GARRE1: variants seen among roughly 807,000 people sequenced by gnomAD.
GARRE1 encodes granule associated Rac and RHOG effector protein 1.
GARRE1 carries 49 observed loss-of-function variants against 103.2 expected under a neutral mutation model. That is an observed-to-expected ratio of 0.47 (90% confidence interval 0.38 to 0.60). The LOEUF is 0.60. Among genes scored for constraint, GARRE1 ranks in the 20% least tolerant of loss-of-function variants. The pLI, the probability that GARRE1 is intolerant of heterozygous loss-of-function variation, is 0.00. For missense variants in GARRE1, 1,199 were observed against 1,370.5 expected (o/e 0.87, Z 1.98); for synonymous variants, 505 against 532.8 (o/e 0.95, Z 0.72).
intron 7 of GARRE1, 130 bp from the exon 8 acceptor site, chr19:34,333,565 CCCTGACTGG>C (rs2074146880): frequency 1.7e-6 from 1 of 603,120 alleles, no homozygotes; most frequent in Non-Finnish European, 2.9e-6. Context: ...CTTCACGGGG[CCCTGACTGG>C]CCTTGGCATA....
intron 2 of GARRE1, among the ~76,000 whole-genome samples, chr19:34,307,810 ATATATTTTTTT>A: frequency 7.3e-6 from 1 of 137,010 alleles, no homozygotes; most frequent in Non-Finnish European, 1.5e-5. Context: ...AAATATATAT[ATATATTTTTTT>A]TTTTTTTTAG....
chr19:34,305,212 T>C (rs1599765310), intron 2 of GARRE1, among the ~76,000 whole-genome samples: 2 of 152,202 alleles, frequency 1.3e-5, no homozygotes, highest in East Asian at 3.9e-4. Flanking sequence ...TCCCCAGAAG[T>C]GACCATTAGT....
At chr19:34,328,260 G>T in intron 6 of GARRE1, 109 bp downstream of exon 6, 1 of 1,284,400 alleles carries the variant, frequency 7.8e-7, no homozygotes, top group Non-Finnish European at 1.1e-6. Context: ...ATGGGGCCGG[G>T]CGTGGTGGCT....
chr19:34,287,890 G>A (rs951295340), intron 1 of GARRE1, among the ~76,000 whole-genome samples: 1 of 152,120 alleles, frequency 6.6e-6, no homozygotes, highest in African/African-American at 2.4e-5. Flanking sequence ...CCATCACAAT[G>A]GGAATTAGAT....
In GARRE1 at chr19:34,299,997, G is replaced by A. The variant is rs2073968242; in HGVS notation, c.-477G>A. On this transcript the variant is annotated 5_prime_UTR_variant, in exon 2 of 14. Coordinates refer to ENST00000299505, the MANE Select transcript of GARRE1 (RefSeq NM_014686.5). ...ATCTTCCTTCTTAAGGACTTTGTGT[G>A]AAGTAATTCTTTACTGCTTTTAAAT... 1 of 152,794 alleles carries A rather than the reference G, an allele frequency of 6.5e-6. No homozygotes were observed. Among genetic ancestry groups the A allele is most frequent in the Non-Finnish European group, 1.5e-5 (1 of 68,496 alleles). The allele number at this position is 152,794 out of a possible 1,614,324, so 9.5% of individuals were successfully genotyped here.
chr19:34,284,822 A>G lies in GARRE1; in HGVS notation c.-795-14857A>G, dbSNP rs557320120. ...TTGAACATATTTTAGCCTGACAGGC[A>G]GATAAATATGAGGGTGGAGAAGCAT... On this transcript the variant is annotated intron_variant, in intron 1 of 13. Transcript: ENST00000299505. Among the ~76,000 whole-genome samples the G allele has an allele frequency of 1.7e-3, 255 of 152,364 alleles. 1 individual carries two copies. The highest frequency in any genetic ancestry group is 3.7e-3 in the South Asian group (18 of 4,828).
intron 1 of GARRE1, among the ~76,000 whole-genome samples, chr19:34,269,229 A>G (rs1378779599): frequency 3.3e-5 from 5 of 152,234 alleles, no homozygotes. Context: ...TGTCAGTACC[A>G]GAGGCGGTCA....
rs1489322614 is a variant in GARRE1, at chr19:34,296,128, G to T, written c.-795-3551G>T. On this transcript the variant is annotated intron_variant, in intron 1 of 13. Transcript: ENST00000299505. Reference sequence around the variant, plus strand: ...TACAACATTTTTTCTTTCAGTATTTGTTTTAGTCATCCTGGATCCCTCGCT... The same window carrying T: ...TACAACATTTTTTCTTTCAGTATTTTTTTTAGTCATCCTGGATCCCTCGCT... 4 of 329,984 alleles carry T rather than the reference G, an allele frequency of 1.2e-5. No homozygotes were observed. In the East Asian group the frequency reaches 1.5e-4, roughly 12 times the overall value. The allele number at this position is 329,984 out of a possible 1,614,324, so 20.4% of individuals were successfully genotyped here. A position where few individuals can be genotyped will look rare whatever the true frequency, so the allele number is the denominator to read the frequency against.
chr19:34,294,121 A>G (rs1005606021), intron 1 of GARRE1, among the ~76,000 whole-genome samples: 1 of 152,026 alleles, frequency 6.6e-6, no homozygotes, highest in South Asian at 2.1e-4. Flanking sequence ...TGTGCCTTAC[A>G]TGTATAGGCT....
At chr19:34,293,908 G>A (rs1206061596) in intron 1 of GARRE1, among the ~76,000 whole-genome samples, 4 of 151,212 alleles carry the variant, frequency 2.6e-5, no homozygotes, top group African/African-American at 4.9e-5. Flanking sequence ...ATAGGCACGC[G>A]TCACTACACC....
At chr19:34,320,726 T>C (rs1409067581) in intron 3 of GARRE1, among the ~76,000 whole-genome samples, 1 of 150,056 alleles carries the variant, frequency 6.7e-6, no homozygotes, top group Non-Finnish European at 1.5e-5. Flanking sequence ...TTTTTCTTTT[T>C]CTTTTTTTTT....
rs776903958 is a variant in GARRE1 at position 34,328,129 on chromosome 19, C to G, written c.1082C>G (p.Ala361Gly). 6.2e-7 allele frequency: 1 copy of G among 1,613,996 alleles called. No individual in the cohort carries two copies. The highest frequency in any genetic ancestry group is 2.2e-5 in the East Asian group (1 of 44,884). Residue 361 changes from alanine (A) to glycine (G), a missense_variant, in exon 6 of 14, where the codon GCC (alanine) becomes GGC (glycine). By Grantham distance (60) the Ala-to-Gly change is moderately conservative. Coordinates refer to ENST00000299505, the MANE Select transcript of GARRE1 (RefSeq NM_014686.5). ...LKGVSFNESA[A>G]DNLKLKTHTM... Reference sequence around the variant, plus strand: ...GGCGTCTCCTTTAATGAGTCGGCCGCCGACAATCTGAAACTTAAGACGGTA... The same window carrying G: ...GGCGTCTCCTTTAATGAGTCGGCCGGCGACAATCTGAAACTTAAGACGGTA...
chr19:34,301,312 A>C (rs1389433413), intron 2 of GARRE1, among the ~76,000 whole-genome samples: 2 of 152,044 alleles, frequency 1.3e-5, no homozygotes, highest in Non-Finnish European at 2.9e-5. Context: ...CCTGTTGGAT[A>C]GATTTTAAAA....
rs35804155 is a variant in GARRE1, at chr19:34,280,932, GT to G, written c.-795-18732del. On this transcript the variant is annotated intron_variant, in intron 1 of 13. Transcript: ENST00000299505. ...ACAATTAAGATGTAAATTCCAGTAG[GT>G]TTTTTTTTTTTTTTAGTAGAACTAG... 4.4e-3 allele frequency among the ~76,000 whole-genome samples: 611 copies of G among 139,358 alleles called. 3 individuals carry two copies. The highest frequency in any genetic ancestry group is 6.5e-3 in the African/African-American group (246 of 38,020). The allele number at this position is 139,358 out of a possible 152,430, so 91.4% of individuals were successfully genotyped here.
intron 11 of GARRE1, chr19:34,348,685 T>C (rs1311424139): frequency 5.0e-6 from 1 of 201,012 alleles, no homozygotes; most frequent in Non-Finnish European, 1.0e-5. Context: ...ATGTGTGCCA[T>C]GGTGGTTTGC....
At position 34,349,031 on chromosome 19, in the gene GARRE1, T is replaced by C. The variant is rs1265152371; in HGVS notation, c.2703T>C (p.Gly901=). ...TGGCTTTCAGGGATGGCCTGCACGGTGGCTGGTCGGGTGCTCAGGGAGACT... is the reference window on the plus strand; with the variant it reads ...TGGCTTTCAGGGATGGCCTGCACGGCGGCTGGTCGGGTGCTCAGGGAGACT... The part of the protein sequence containing the change: ...EFFTEGDGLH[G]GWSGAQGDSA... The change falls in exon 12 of 14, where the codon GGT becomes GGC. Residue 901 remains glycine (G), a synonymous_variant. Coordinates refer to ENST00000299505, the MANE Select transcript of GARRE1 (RefSeq NM_014686.5). The C allele has an allele frequency of 1.2e-6, 2 of 1,611,460 alleles. No individual in the cohort carries two copies. The highest frequency in any genetic ancestry group is 2.7e-5 in the African/African-American group (2 of 74,862).
chr19:34,327,717 G>A (rs1174419994), intron 4 of GARRE1, 54 bp from the exon 5 acceptor site: 2 of 1,537,176 alleles, frequency 1.3e-6, no homozygotes, highest in Non-Finnish European at 1.8e-6. Flanking sequence ...ATTGAACTTT[G>A]TCATCTTATA....
intron 8 of GARRE1, among the ~76,000 whole-genome samples, chr19:34,334,566 G>A (rs2074152058): frequency 6.6e-6 from 1 of 151,914 alleles, no homozygotes; most frequent in Non-Finnish European, 1.5e-5. Flanking sequence ...AGGCATGGTG[G>A]TGGGTGCCTG....
chr19:34,337,050 G>GTT lies in GARRE1; in HGVS notation c.1362-2801_1362-2800dup, dbSNP rs113410326. On this transcript the variant is annotated intron_variant, in intron 8 of 13. Coordinates refer to ENST00000299505, the MANE Select transcript of GARRE1 (RefSeq NM_014686.5). ...GGTAATTTTGCAAAATTTTAGTTCT[G>GTT]TTTTTTTTTTTTTTTTTCAAATTAC... is the stretch of plus-strand genomic sequence containing the variant. Among the ~76,000 whole-genome samples, 790 of 115,926 alleles carry GTT rather than the reference G, an allele frequency of 6.8e-3. 7 individuals carry two copies. The highest frequency in any genetic ancestry group is 0.023 in the African/African-American group (730 of 31,222). The allele number at this position is 115,926 out of a possible 152,430, so 76.1% of individuals were successfully genotyped here. A position where few individuals can be genotyped will look rare whatever the true frequency, so the allele number is the denominator to read the frequency against.
Sources: allele counts gnomAD v4.1 joint callset (sites outside exome capture counted in the v4.1 genomes callset), GRCh38; gene constraint gnomAD v4.1.1; transcripts MANE v1.5; gene names NCBI Gene and HGNC (gene_info 2026-07-23, HGNC 2026-07-21).